Variants in ZNF827 observed in about 807,000 individuals in gnomAD.
ZNF827 encodes the protein zinc finger protein 827.
ZNF827 carries 13 observed loss-of-function variants against 102.4 expected under a neutral mutation model. That is an observed-to-expected ratio of 0.13 (90% CI 0.08 to 0.20). The LOEUF is 0.20. Ranked by LOEUF, ZNF827 falls within the 10% of genes least tolerant of loss-of-function variation. The probability of loss-of-function intolerance (pLI) is 1.00; values close to 1 mark genes in which losing one functional copy is unlikely to be tolerated. For missense variants in ZNF827, 1,103 were observed against 1,344.4 expected, an observed-to-expected ratio of 0.82 and a Z score of 2.81; for synonymous variants, 523 against 536.2, an observed-to-expected ratio of 0.98 and a Z score of 0.34.
At chr4:145,930,497 C>A (rs1753721799) in intron 1 of ZNF827, among the ~76,000 whole-genome samples, 1 of 152,162 alleles carries the variant, frequency 6.6e-6, no homozygotes, top group Admixed American at 6.5e-5. Flanking sequence ...CTTTTTCAGG[C>A]CCTGGCCTCC....
At chr4:145,888,260 A>C (rs934346865) in intron 3 of ZNF827, among the ~76,000 whole-genome samples, 1 of 152,222 alleles carries the variant, frequency 6.6e-6, no homozygotes, top group Admixed American at 6.5e-5. Flanking sequence ...TATTAGCTCT[A>C]TCCTCTGACT....
rs1262790893 is a variant in ZNF827, at chr4:145,758,246, T to G, written c.*3370A>C. 6.6e-6 allele frequency: 1 copy of G among 152,230 alleles called. No individual in the cohort carries two copies. The highest frequency in any genetic ancestry group is 1.5e-5 in the Non-Finnish European group (1 of 68,042). 9.4% of individuals were successfully genotyped at this position (152,230 alleles called of 1,614,324 possible). On this transcript the variant is annotated 3_prime_UTR_variant, in exon 15 of 15. Coordinates refer to ENST00000508784, the MANE Select transcript of ZNF827 (RefSeq NM_001306215.2). ...GTTGCCCAATTATATTAAGCATTAC[T>G]AAGTCATTCAAATACAAGTTCAGTG...
At chr4:145,786,285 A>C (rs1738854436) in intron 8 of ZNF827, among the ~76,000 whole-genome samples, 1 of 152,226 alleles carries the variant, frequency 6.6e-6, no homozygotes, top group East Asian at 1.9e-4. Context: ...ATTCCCTGAC[A>C]AAACAGTCCT....
intron 7 of ZNF827, among the ~76,000 whole-genome samples, chr4:145,836,491 T>C (rs1744852261): frequency 6.6e-6 from 1 of 152,224 alleles, no homozygotes; most frequent in South Asian, 2.1e-4. Context: ...AAATGTATTG[T>C]CTTCCTCATA....
intron 8 of ZNF827, among the ~76,000 whole-genome samples, chr4:145,796,517 C>T (rs979724360): frequency 6.6e-6 from 1 of 152,132 alleles, no homozygotes; most frequent in African/African-American, 2.4e-5. Flanking sequence ...TCTACCTTAA[C>T]CCCTGTGCAG....
intron 3 of ZNF827, 35 bp downstream of exon 3, chr4:145,892,208 G>A (rs752739349): frequency 1.3e-6 from 2 of 1,576,174 alleles, no homozygotes; most frequent in South Asian, 2.4e-5. Context: ...GGCTGTGCCT[G>A]CCTCTCCAGG....
At chr4:145,838,673 T>C (rs1026973974) in intron 7 of ZNF827, among the ~76,000 whole-genome samples, 4 of 152,138 alleles carry the variant, frequency 2.6e-5, no homozygotes, top group Non-Finnish European at 4.4e-5. Flanking sequence ...GACAATCTTA[T>C]ATATTGTTAG....
At chr4:145,924,850 G>A (rs1753313789) in intron 1 of ZNF827, among the ~76,000 whole-genome samples, 6 of 152,082 alleles carry the variant, frequency 3.9e-5, no homozygotes, top group Admixed American at 2.6e-4. Context: ...GTTCAATGAA[G>A]TCCCTTATCT....
At chr4:145,884,312 C>A (rs1366366334) in intron 4 of ZNF827, among the ~76,000 whole-genome samples, 1 of 152,158 alleles carries the variant, frequency 6.6e-6, no homozygotes, top group Non-Finnish European at 1.5e-5. Context: ...TCCAAAAGAC[C>A]CGACTGAAGT....
chr4:145,774,788 T>A, intron 10 of ZNF827, 116 bp from the exon 11 acceptor site: 1 of 1,181,504 alleles, frequency 8.5e-7, no homozygotes, highest in South Asian at 1.6e-5. Flanking sequence ...GAAACACATT[T>A]GTCTCTCCAC....
Position 145,845,856 on chromosome 4 carries a change from C to T in ZNF827, c.2279+100G>A. The T allele has an allele frequency of 5.7e-6, 7 of 1,234,780 alleles. No individual in the cohort carries two copies. In the South Asian group the frequency reaches 7.5e-5, roughly 13 times the overall value. 76.5% of individuals were successfully genotyped at this position (1,234,780 alleles called of 1,614,324 possible). On this transcript the variant is annotated intron_variant, in intron 7 of 14. Transcript: ENST00000508784. ...TGGTAAAGGGTGTGACTCCTTTGAACCCAGTGGGAGAAAGAGGTTTGGGGA... is the reference window on the plus strand; with the variant it reads ...TGGTAAAGGGTGTGACTCCTTTGAATCCAGTGGGAGAAAGAGGTTTGGGGA...
At chr4:145,871,937 T>A (rs1170472109) in intron 4 of ZNF827, among the ~76,000 whole-genome samples, 1 of 152,158 alleles carries the variant, frequency 6.6e-6, no homozygotes, top group East Asian at 1.9e-4. Context: ...GTCCCTTACC[T>A]GCCTCCACCG....
chr4:145,936,502 C>A (rs113167149), intron 1 of ZNF827, among the ~76,000 whole-genome samples: 8,539 of 152,148 alleles, frequency 0.056, 779 homozygotes, highest in African/African-American at 0.19. Flanking sequence ...GCGTCGACTC[C>A]TGCGTACCGG....
rs368164355 is a variant in ZNF827 at position 145,843,282 on chromosome 4, C to T, written c.2279+2674G>A. Among the ~76,000 whole-genome samples, 3 of 151,074 alleles carry T rather than the reference C, an allele frequency of 2.0e-5. No homozygotes were observed. The East Asian group carries it at 5.8e-4, about 29-fold the overall frequency. On this transcript the variant is annotated intron_variant, in intron 7 of 14. Transcript: ENST00000508784. Reference sequence around the variant, plus strand: ...GAACTATAAGCCAAGAATTCTTTAACACTGATTTCTAAACACCATATCATG... The same window carrying T: ...GAACTATAAGCCAAGAATTCTTTAATACTGATTTCTAAACACCATATCATG...
At chr4:145,807,662 G>A (rs996888948) in intron 8 of ZNF827, among the ~76,000 whole-genome samples, 1 of 151,524 alleles carries the variant, frequency 6.6e-6, no homozygotes, top group Non-Finnish European at 1.5e-5. Flanking sequence ...AGTAGAGATG[G>A]GGTTTCACCA....
At chr4:145,897,999 A>G (rs963960046) in intron 2 of ZNF827, among the ~76,000 whole-genome samples, 41 of 152,256 alleles carry the variant, frequency 2.7e-4, no homozygotes, top group African/African-American at 8.7e-4. Flanking sequence ...TACTAAAAAT[A>G]CAAAAATTAG....
intron 1 of ZNF827, among the ~76,000 whole-genome samples, chr4:145,908,106 G>T (rs796529355): frequency 6.6e-6 from 1 of 151,970 alleles, no homozygotes; most frequent in African/African-American, 2.4e-5. Context: ...CATTTAATTG[G>T]ACCAATATAC....
chr4:145,799,422 G>A (rs1438180696), intron 8 of ZNF827, among the ~76,000 whole-genome samples: 3 of 152,158 alleles, frequency 2.0e-5, no homozygotes, highest in Non-Finnish European at 2.9e-5. Context: ...AGTCTGGCAC[G>A]GAAGGCTGAC....
intron 1 of ZNF827, among the ~76,000 whole-genome samples, chr4:145,912,672 A>G (rs1752374343): frequency 6.6e-6 from 1 of 152,222 alleles, no homozygotes; most frequent in Non-Finnish European, 1.5e-5. Flanking sequence ...ACACACATGC[A>G]CACAGGAAGA....
Sources: allele counts gnomAD v4.1 joint callset (sites outside exome capture counted in the v4.1 genomes callset), GRCh38; gene constraint gnomAD v4.1.1; transcripts MANE v1.5; gene names NCBI Gene and HGNC (gene_info 2026-07-23, HGNC 2026-07-21).